MAST2: variants seen among roughly 807,000 people sequenced by gnomAD.
The protein encoded by MAST2 is microtubule-associated serine/threonine-protein kinase 2.
In MAST2, 70 loss-of-function variants were observed where a neutral mutation model predicts 147.4. The ratio of observed to expected loss-of-function variants is 0.47; its 90% confidence interval spans 0.39 to 0.58. The LOEUF is 0.58. Ranked by LOEUF, MAST2 falls within the 20% of genes least tolerant of loss-of-function variation. The probability of loss-of-function intolerance (pLI) is 0.00; values close to 1 mark genes in which losing one functional copy is unlikely to be tolerated. For missense variants in MAST2, 2,080 were observed against 2,302.3 expected, an observed-to-expected ratio of 0.90 and a Z score of 1.98; for synonymous variants, 869 against 896.8, an observed-to-expected ratio of 0.97 and a Z score of 0.55.
At chr1:45,831,021 C>A (rs1644940494) in intron 3 of MAST2, among the ~76,000 whole-genome samples, 1 of 138,732 alleles carries the variant, frequency 7.2e-6, no homozygotes, top group Non-Finnish European at 1.5e-5. Flanking sequence ...CAGAGTGAGA[C>A]CTTGTCTGGA....
chr1:45,999,432 A>G (rs530583225), intron 6 of MAST2, among the ~76,000 whole-genome samples: 387 of 152,354 alleles, frequency 2.5e-3, no homozygotes, highest in African/African-American at 8.6e-3. Flanking sequence ...CTCTCAGAGT[A>G]GGTACGAGCT....
intron 4 of MAST2, among the ~76,000 whole-genome samples, chr1:45,892,674 C>T (rs988460184): frequency 1.3e-5 from 2 of 152,100 alleles, no homozygotes; most frequent in Non-Finnish European, 2.9e-5. Flanking sequence ...CTGAGACAAC[C>T]CTTCTTTGTT....
chr1:45,985,435 C>T (rs1026638188), intron 5 of MAST2, among the ~76,000 whole-genome samples: 3 of 152,166 alleles, frequency 2.0e-5, no homozygotes, highest in South Asian at 2.1e-4. Context: ...GCCATCATCA[C>T]GATCAAAATT....
chr1:45,977,828 CAA>C (rs1301076271), intron 5 of MAST2, among the ~76,000 whole-genome samples: 1 of 146,666 alleles, frequency 6.8e-6, no homozygotes, highest in East Asian at 2.0e-4. Flanking sequence ...TTCTGGTTAT[CAA>C]AAGATACTAT....
chr1:45,953,181 G>GA (rs1349890198), intron 4 of MAST2, among the ~76,000 whole-genome samples: 3 of 150,628 alleles, frequency 2.0e-5, no homozygotes, highest in Non-Finnish European at 3.0e-5. Flanking sequence ...CTTTAGGACA[G>GA]AAAAAAACAA....
At chr1:45,815,978 C>T (rs1644438679) in intron 1 of MAST2, among the ~76,000 whole-genome samples, 1 of 152,166 alleles carries the variant, frequency 6.6e-6, no homozygotes, top group Non-Finnish European at 1.5e-5. Flanking sequence ...TAGTCCTTAG[C>T]TTAGAACCAT....
Position 46,035,446 on chromosome 1 carries a change from G to A in MAST2, c.4777G>A (p.Ala1593Thr), listed in dbSNP as rs765422855. The A allele has an allele frequency of 5.9e-5, 95 of 1,613,088 alleles. No individual in the cohort carries two copies. Among genetic ancestry groups the A allele is most frequent in the Non-Finnish European group, 8.1e-5 (95 of 1,179,888 alleles). Reference sequence around the variant, plus strand: ...GAGCCCACAAGCCATTGAGGAGGCTGCCAGCTCCTCCTCAGCAGGCCCCAA... The same window carrying A: ...GAGCCCACAAGCCATTGAGGAGGCTACCAGCTCCTCCTCAGCAGGCCCCAA... The part of the protein sequence containing the change: ...LGSPQAIEEA[A>T]SSSSAGPNLG... The change falls in exon 29 of 29, where the codon GCC becomes ACC. Residue 1593 changes from alanine to threonine, a missense_variant. Transcript: ENST00000361297. The surrounding 1 kb of genome is among the most constrained non-coding windows in gnomAD (Gnocchi z 5.5).
At chr1:46,030,275 T>G (rs1364939759) in intron 21 of MAST2, 37 bp downstream of exon 21, 1 of 1,594,698 alleles carries the variant, frequency 6.3e-7, no homozygotes, top group Non-Finnish European at 8.6e-7. Context: ...CAGAACAGGC[T>G]GGAGGATCAG....
At chr1:45,948,988 C>T (rs1241055076) in intron 4 of MAST2, among the ~76,000 whole-genome samples, 1 of 152,064 alleles carries the variant, frequency 6.6e-6, no homozygotes, top group African/African-American at 2.4e-5. Flanking sequence ...GGAAAAGACT[C>T]CCTATTCAGT....
chr1:45,835,850 C>A (rs966362302), intron 3 of MAST2, among the ~76,000 whole-genome samples: 1 of 152,162 alleles, frequency 6.6e-6, no homozygotes, highest in African/African-American at 2.4e-5. Flanking sequence ...TAAATGGAAT[C>A]ATAAAATATG....
intron 4 of MAST2, 21 bp downstream of exon 4, chr1:45,882,416 A>G (rs928695418): frequency 2.5e-6 from 4 of 1,589,954 alleles, no homozygotes; most frequent in Non-Finnish European, 3.5e-6. Context: ...GATTATTACC[A>G]TTATGATTAT....
At chr1:45,983,059 A>G (rs904940205) in intron 5 of MAST2, among the ~76,000 whole-genome samples, 9 of 152,162 alleles carry the variant, frequency 5.9e-5, no homozygotes, top group Non-Finnish European at 4.4e-5. Flanking sequence ...AAAGATTTCC[A>G]TCACATATAT....
intron 4 of MAST2, among the ~76,000 whole-genome samples, chr1:45,891,977 A>G (rs1228035883): frequency 6.6e-6 from 1 of 152,170 alleles, no homozygotes; most frequent in Non-Finnish European, 1.5e-5. Flanking sequence ...GGCCTTCCTT[A>G]CCATCTGTAA....
At chr1:46,030,018 C>A in intron 20 of MAST2, 65 bp downstream of exon 20, 1 of 1,608,290 alleles carries the variant, frequency 6.2e-7, no homozygotes, top group South Asian at 1.1e-5. Flanking sequence ...CACCTGTGCA[C>A]ACTGAAATTG....
intron 3 of MAST2, among the ~76,000 whole-genome samples, chr1:45,872,349 G>A (rs1273047691): frequency 7.2e-5 from 11 of 152,164 alleles, no homozygotes; most frequent in Admixed American, 5.9e-4. Flanking sequence ...ACTTGTGGGG[G>A]TAGCGGTTAC....
At chr1:45,888,326 C>T (rs1647180368) in intron 4 of MAST2, among the ~76,000 whole-genome samples, 1 of 151,878 alleles carries the variant, frequency 6.6e-6, no homozygotes, top group African/African-American at 2.4e-5. Context: ...TTCTGTTATA[C>T]CTCTCAAATA....
chr1:45,974,853 T>TTACTCC, intron 5 of MAST2, among the ~76,000 whole-genome samples: 1 of 152,256 alleles, frequency 6.6e-6, no homozygotes, highest in South Asian at 2.1e-4. Flanking sequence ...GATACTGAAA[T>TTACTCC]TACTCCTGAC....
intron 4 of MAST2, among the ~76,000 whole-genome samples, chr1:45,883,200 A>C (rs915198921): frequency 6.6e-5 from 10 of 152,222 alleles, no homozygotes; most frequent in Non-Finnish European, 1.5e-4. Flanking sequence ...CTTAACAAAA[A>C]AAGAGATGTA....
chr1:46,030,856 G>C (rs1646631470), intron 22 of MAST2, 95 bp downstream of exon 22: 5 of 1,476,638 alleles, frequency 3.4e-6, no homozygotes, highest in Admixed American at 5.0e-5. Context: ...AGGAGTGCAG[G>C]TGGCAGGGAG....
Sources: gnomAD v4.1 joint callset for allele counts (sites outside exome capture counted in the v4.1 genomes callset) on GRCh38, gnomAD v4.1.1 for gene constraint, Gnocchi (gnomAD v3.1) non-coding constraint, MANE v1.5 for transcripts, NCBI Gene and HGNC (gene_info 2026-07-23, HGNC 2026-07-21) for gene names.